CPLANE1: variants seen among roughly 807,000 people sequenced by gnomAD.
CPLANE1 encodes ciliogenesis and planar polarity effector 1.
Under a neutral mutation model 362.5 loss-of-function variants are expected in CPLANE1, and 263 were observed. That is an observed-to-expected ratio of 0.73 (90% confidence interval 0.66 to 0.80). CPLANE1 has a LOEUF of 0.80. CPLANE1 is among the 30% of genes least tolerant of loss of function. The pLI is 0.00. For missense variants in CPLANE1, 3,461 were observed against 3,793.4 expected, an observed-to-expected ratio of 0.91 and a Z score of 2.30; for synonymous variants, 1,212 against 1,302.6, an observed-to-expected ratio of 0.93 and a Z score of 1.50.
rs1386005132 is a variant in CPLANE1 at position 37,226,791 on chromosome 5, T to A, written c.1804A>T (p.Ile602Phe). 3 of 1,547,530 alleles carry A rather than the reference T, an allele frequency of 1.9e-6. No individual in the cohort carries two copies. In the African/African-American group the frequency reaches 4.1e-5, roughly 21 times the overall value. The change falls in exon 12 of 53, where the codon ATC (isoleucine) becomes TTC (phenylalanine). Residue 602 changes from isoleucine to phenylalanine, a missense_variant. Physicochemically the swap from Ile to Phe is conservative, Grantham distance 21 (BLOSUM62 0). Transcript: ENST00000651892. ...TGAAGAATGTAAAAAAAATGAGTGA[T>A]ACAAACTACTATGTAATTTAACATT... ...NLMLNYIVVC[I>F]THFFYILQFI...
At chr5:37,093,816 C>T in the CPLANE1 span, among the ~76,000 whole-genome samples, 463 of 152,286 alleles carry the variant, frequency 3.0e-3, 4 homozygotes, top group African/African-American at 0.011. Context: ...AAAACACAAA[C>T]CTTCTTGGAA....
At chr5:37,242,255 G>A (rs1217581368) in intron 6 of CPLANE1, among the ~76,000 whole-genome samples, 3 of 152,108 alleles carry the variant, frequency 2.0e-5, no homozygotes, top group East Asian at 3.9e-4. Context: ...TCGGGAGGCT[G>A]AGGCAGGAGA....
chr5:37,118,113 G>A (rs1050993159), intron 50 of CPLANE1, among the ~76,000 whole-genome samples: 1 of 152,096 alleles, frequency 6.6e-6, no homozygotes, highest in African/African-American at 2.4e-5. Flanking sequence ...GCCAAGAGCT[G>A]GTCAGGCATG....
chr5:37,171,305 C>T (rs946660781), intron 32 of CPLANE1, among the ~76,000 whole-genome samples: 2 of 152,206 alleles, frequency 1.3e-5, no homozygotes, highest in Non-Finnish European at 2.9e-5. Flanking sequence ...TAGGCTAGTA[C>T]AGAAGTTCAC....
At chr5:37,175,588 A>G (rs1243297960) in intron 31 of CPLANE1, among the ~76,000 whole-genome samples, 2 of 152,226 alleles carry the variant, frequency 1.3e-5, no homozygotes, top group Admixed American at 1.3e-4. Context: ...CATTTCAAAC[A>G]CTACAAGAAA....
At chr5:37,168,733 G>C (rs1236088753) in intron 34 of CPLANE1, 58 bp downstream of exon 34, 1 of 1,398,702 alleles carries the variant, frequency 7.1e-7, no homozygotes, top group African/African-American at 1.4e-5. Context: ...CAGTACTTAT[G>C]GTATGAAAAA....
intron 46 of CPLANE1, among the ~76,000 whole-genome samples, chr5:37,135,230 A>G (rs1767292036): frequency 6.6e-6 from 1 of 152,046 alleles, no homozygotes; most frequent in Non-Finnish European, 1.5e-5. Context: ...TTCAGGAGCA[A>G]GTTGTTTAAT....
intron 24 of CPLANE1, among the ~76,000 whole-genome samples, chr5:37,185,574 TAAAC>T (rs1783760558): frequency 1.3e-5 from 2 of 151,994 alleles, no homozygotes; most frequent in Non-Finnish European, 2.9e-5. Context: ...ATTTAATACA[TAAAC>T]AGAATATTTT....
chr5:37,145,766 A>C (rs1243255494), intron 43 of CPLANE1, among the ~76,000 whole-genome samples: 3 of 152,146 alleles, frequency 2.0e-5, no homozygotes, highest in Non-Finnish European at 4.4e-5. Flanking sequence ...AATAAATGGC[A>C]AAAAAACCAC....
intron 21 of CPLANE1, among the ~76,000 whole-genome samples, chr5:37,190,809 G>T (rs1785322698): frequency 6.6e-6 from 1 of 152,098 alleles, no homozygotes. Flanking sequence ...CATTACTCAG[G>T]TGTTTATGGT....
intron 22 of CPLANE1, 26 bp from the exon 23 acceptor site, chr5:37,187,598 T>C (rs779117262): frequency 1.6e-5 from 25 of 1,592,730 alleles, no homozygotes; most frequent in Non-Finnish European, 2.1e-5. Flanking sequence ...AAAACATTCA[T>C]TTCCTTTTTA....
chr5:37,152,125 T>A (rs1773727894), intron 42 of CPLANE1, among the ~76,000 whole-genome samples: 1 of 152,194 alleles, frequency 6.6e-6, no homozygotes, highest in Non-Finnish European at 1.5e-5. Context: ...ATAATGGAAT[T>A]CTTATCCTGC....
Position 37,224,331 on chromosome 5 carries a change from C to T in CPLANE1, c.2503G>A (p.Glu835Lys). 1.3e-6 allele frequency: 2 copies of T among 1,541,978 alleles called. No homozygotes were observed. The highest frequency in any genetic ancestry group is 8.8e-7 in the Non-Finnish European group (1 of 1,141,670). ...QTLELKSING[E>K]ECFLLGSYEK... ...TATGATCCTAATAAAAAACATTCTT[C>T]CCCTAGAAAGTTTTTAACCAACAAT... Residue 835 changes from glutamate (E) to lysine (K), a missense_variant and splice_region_variant, in exon 14 of 53, where the codon GAA becomes AAA. Around this residue, in one of 2 missense-constraint regions of CPLANE1, gnomAD observed 3,380 missense variants for 3,666.1 expected, o/e 0.92. Coordinates refer to ENST00000651892, the MANE Select transcript of CPLANE1 (RefSeq NM_001384732.1).
chr5:37,154,930 A>G, intron 41 of CPLANE1, among the ~76,000 whole-genome samples: 1 of 152,170 alleles, frequency 6.6e-6, no homozygotes. Flanking sequence ...CTCAGCAAAT[A>G]GCACCACCGT....
At chr5:37,090,981 G>C in the CPLANE1 span, among the ~76,000 whole-genome samples, 1 of 152,072 alleles carries the variant, frequency 6.6e-6, no homozygotes, top group Non-Finnish European at 1.5e-5. Flanking sequence ...TTATGGCAAC[G>C]AACAAGACCT....
chr5:37,105,954 T>C (rs181358386), downstream of CPLANE1, among the ~76,000 whole-genome samples: 327 of 152,208 alleles, frequency 2.1e-3, 1 homozygote, highest in African/African-American at 7.3e-3. Context: ...GTCAATACCA[T>C]AATGAGGTAT....
At chr5:37,121,099 T>C (rs1762487162) in intron 49 of CPLANE1, among the ~76,000 whole-genome samples, 1 of 152,230 alleles carries the variant, frequency 6.6e-6, no homozygotes, top group Admixed American at 6.5e-5. Context: ...CAGCATTCTA[T>C]GTTTAGTTAA....
rs1757806038 is a variant in CPLANE1, at chr5:37,107,258, C to T, written c.*344G>A. On this transcript the variant is annotated 3_prime_UTR_variant, in exon 53 of 53. Transcript: ENST00000651892. ...ATCTGTATATGGTTGTTTCTCAAAACTCAGAGGGTAATAAAGGAGGAGGCA... is the reference window on the plus strand; with the variant it reads ...ATCTGTATATGGTTGTTTCTCAAAATTCAGAGGGTAATAAAGGAGGAGGCA... 9.8e-7 allele frequency: 1 copy of T among 1,021,558 alleles called. No homozygotes were observed. The highest frequency in any genetic ancestry group is 5.7e-5 in the Admixed American group (1 of 17,544). 63.3% of individuals were successfully genotyped at this position (1,021,558 alleles called of 1,614,324 possible). A position where few individuals can be genotyped will look rare whatever the true frequency, so the allele number is the denominator to read the frequency against.
At chr5:37,244,981 C>T (rs1248253674) in intron 4 of CPLANE1, among the ~76,000 whole-genome samples, 1 of 151,748 alleles carries the variant, frequency 6.6e-6, no homozygotes. Flanking sequence ...GAAACCCCGT[C>T]TCTACTAAAA....
Sources: allele counts gnomAD v4.1 joint callset (sites outside exome capture counted in the v4.1 genomes callset), GRCh38; gene constraint gnomAD v4.1.1; regional missense constraint gnomAD v4.1.1; transcripts MANE v1.5; gene names NCBI Gene and HGNC (gene_info 2026-07-23, HGNC 2026-07-21).